NOTCH2: variants seen among roughly 807,000 people sequenced by gnomAD.
NOTCH2 encodes the protein neurogenic locus notch homolog protein 2.
A neutral mutation model predicts 235.8 loss-of-function variants in NOTCH2; 29 were observed. That is an observed-to-expected ratio of 0.12 (90% CI 0.09 to 0.17). The LOEUF (loss-of-function observed/expected upper bound fraction) is 0.17, where lower values mean the gene tolerates loss of function less well. NOTCH2 is among the 10% of genes least tolerant of loss of function. NOTCH2 has a pLI of 1.00. For synonymous variants in NOTCH2, 1,086 were observed against 1,141.5 expected (o/e 0.95, Z 0.98); for missense variants, 2,285 against 3,150.2 (o/e 0.73, Z 6.57).
At position 119,921,817 on chromosome 1, in the gene NOTCH2, G is replaced by T; in HGVS notation, c.5214-8C>A. 1 of 1,605,712 alleles carries T rather than the reference G, an allele frequency of 6.2e-7. No homozygotes were observed. Among genetic ancestry groups the T allele is most frequent in the South Asian group, 1.1e-5 (1 of 90,856 alleles). On this transcript the variant is annotated splice_polypyrimidine_tract_variant and splice_region_variant and intron_variant, in intron 28 of 33. Transcript: ENST00000256646. ...ACTTGCACTGAGAGATTTCTAATAT[G>T]ATTATAAAAAGAAAAAATAAGAATG...
At chr1:119,996,741 C>G in intron 4 of NOTCH2, 1 of 1,067,510 alleles carries the variant, frequency 9.4e-7, no homozygotes, top group South Asian at 1.2e-5. Flanking sequence ...TTATTTCTCA[C>G]TGTTTCTACA....
intron 1 of NOTCH2, among the ~76,000 whole-genome samples, chr1:120,065,935 C>T (rs1272436684): frequency 3.3e-5 from 5 of 151,242 alleles, no homozygotes; most frequent in African/African-American, 4.9e-5. Context: ...TCAAATCACG[C>T]CTTGCAGTTT....
chr1:120,001,744 G>A (rs587642706), intron 3 of NOTCH2, among the ~76,000 whole-genome samples: 155 of 152,270 alleles, frequency 1.0e-3, no homozygotes, highest in African/African-American at 3.3e-3. Flanking sequence ...ACTACCATCC[G>A]CGGACTCATG....
intron 2 of NOTCH2, 93 bp from the exon 3 acceptor site, chr1:120,005,681 C>A (rs587709976): frequency 5.7e-6 from 4 of 705,914 alleles, no homozygotes; most frequent in East Asian, 5.5e-5. Flanking sequence ...CAAGAAAGCA[C>A]GAGATTGTGA....
chr1:119,931,189 GA>G (rs1415343202), intron 22 of NOTCH2, among the ~76,000 whole-genome samples: 3 of 150,366 alleles, frequency 2.0e-5, no homozygotes, highest in African/African-American at 7.3e-5. Context: ...ACAAAAGCAA[GA>G]TTTTTTTTTT....
At chr1:119,922,072 C>T (rs1649303917) in intron 28 of NOTCH2, among the ~76,000 whole-genome samples, 164 bp downstream of exon 28, 2 of 152,164 alleles carry the variant, frequency 1.3e-5, no homozygotes, top group Admixed American at 6.5e-5. Flanking sequence ...TAGATGCACC[C>T]ACGCTCTGAC....
rs587595159 is a variant in NOTCH2, at chr1:119,918,581, G to C, written c.5782-28C>G. On this transcript the variant is annotated intron_variant, in intron 31 of 33. Transcript: ENST00000256646. ...AGAAGAGGAGAAAGTACAGAAAAGA[G>C]AGTCACCTGGATGAAGGAAAATAAT... 3 of 1,612,804 alleles carry C rather than the reference G, an allele frequency of 1.9e-6. No individual in the cohort carries two copies. The South Asian group carries it at 3.3e-5, about 18-fold the overall frequency.
rs2101122250 is a variant in NOTCH2, at chr1:119,953,607, C to A, written c.2301G>T (p.Gln767His). The A allele has an allele frequency of 6.2e-7, 1 of 1,614,190 alleles. No individual in the cohort carries two copies. The highest frequency in any genetic ancestry group is 8.5e-7 in the Non-Finnish European group (1 of 1,180,016). ...DKNECLSNPC[Q>H]NGGTCDNLVN... ...CCAGATTGTCACAAGTTCCTCCATT[C>A]TGGCATGGATTCGAAAGGCATTCAT... Residue 767 changes from glutamine to histidine, a missense_variant, in exon 14 of 34, where the codon CAG becomes CAT. Gln to His is a conservative substitution (Grantham distance 24, BLOSUM62 0). Coordinates refer to ENST00000256646, the MANE Select transcript of NOTCH2 (RefSeq NM_024408.4).
chr1:120,062,467 G>C (rs1162312526), intron 1 of NOTCH2, among the ~76,000 whole-genome samples: 3 of 5,666 alleles, frequency 5.3e-4, no homozygotes, highest in Admixed American at 4.1e-3. Flanking sequence ...ATTAAGACCT[G>C]AAGTTTACTC....
rs1337609958 is a variant in NOTCH2, at chr1:120,024,941, T to C, written c.155+4965A>G. Among the ~76,000 whole-genome samples the C allele has an allele frequency of 2.0e-3, 306 of 150,222 alleles. 1 individual carries two copies. The highest frequency in any genetic ancestry group is 2.5e-3 in the Non-Finnish European group (167 of 67,658). ...AGAATCACTGAAAGCAGGCATAAAC[T>C]AGAAGGGATATAAGCCTCAGAAAAA... On this transcript the variant is annotated intron_variant, in intron 2 of 33. Transcript: ENST00000256646.
intron 2 of NOTCH2, among the ~76,000 whole-genome samples, chr1:120,025,441 T>C (rs1653805328): frequency 1.3e-5 from 2 of 151,852 alleles, no homozygotes; most frequent in African/African-American, 4.8e-5. Flanking sequence ...ATGACTAAGA[T>C]TTGTGTCATC....
At chr1:120,031,334 GTAATAA>G (rs67591397) in intron 1 of NOTCH2, among the ~76,000 whole-genome samples, 38 of 137,388 alleles carry the variant, frequency 2.8e-4, no homozygotes, top group African/African-American at 9.3e-4. Flanking sequence ...AATGGTAATA[GTAATAA>G]TAATAATAGG....
intron 11 of NOTCH2, among the ~76,000 whole-genome samples, chr1:119,962,449 T>C (rs983349004): frequency 2.0e-5 from 3 of 152,226 alleles, no homozygotes; most frequent in African/African-American, 7.2e-5. Flanking sequence ...TAGTGAGTTA[T>C]CTAAATGTGG....
At chr1:119,974,947 G>T (rs145320872) in intron 5 of NOTCH2, among the ~76,000 whole-genome samples, 2 of 152,104 alleles carry the variant, frequency 1.3e-5, no homozygotes, top group Admixed American at 1.3e-4. Context: ...CTAGACACTT[G>T]GTGTCAGTGG....
At position 119,923,873 on chromosome 1, in the gene NOTCH2, G is replaced by T. The variant is rs1371441403; in HGVS notation, c.4623C>A (p.Asn1541Lys). ...GLDCAADQPE[N>K]LAEGTLVIVV... ...CAATAACCAGGGTACCTTCTGCCAG[G>T]TTCTCAGGTTGGTCAGCAGCACAGT... Residue 1541 changes from asparagine (N) to lysine (K), a missense_variant, in exon 26 of 34, where the codon AAC becomes AAA. By Grantham distance (94) the Asn-to-Lys change is moderately conservative. Around this residue, in one of 6 missense-constraint regions of NOTCH2, gnomAD observed 1,173 missense variants for 1,515.3 expected, o/e 0.77. Transcript: ENST00000256646. 6.8e-6 allele frequency: 11 copies of T among 1,614,024 alleles called. No homozygotes were observed. Among genetic ancestry groups the T allele is most frequent in the Non-Finnish European group, 9.3e-6 (11 of 1,180,038 alleles).
chr1:119,918,260 G>T, intron 32 of NOTCH2, 146 bp downstream of exon 32: 1 of 946,200 alleles, frequency 1.1e-6, no homozygotes, highest in Non-Finnish European at 1.7e-6. Context: ...AGCTCAGCAT[G>T]TTAAATAAAT....
chr1:120,017,935 G>T (rs1553208367), intron 2 of NOTCH2, among the ~76,000 whole-genome samples: 1 of 151,980 alleles, frequency 6.6e-6, no homozygotes, highest in Non-Finnish European at 1.5e-5. Context: ...ATCCTACAAA[G>T]TGGCCTCAAT....
intron 5 of NOTCH2, among the ~76,000 whole-genome samples, chr1:119,983,430 G>A (rs1182675760): frequency 3.9e-5 from 6 of 152,082 alleles, no homozygotes; most frequent in Non-Finnish European, 7.3e-5. Context: ...TGGGATTAGA[G>A]GCATGAGCCA....
intron 12 of NOTCH2, among the ~76,000 whole-genome samples, chr1:119,956,824 T>C (rs184828361): frequency 6.6e-6 from 1 of 152,352 alleles, no homozygotes. Context: ...GCCATCTTTA[T>C]CTGAAAGCAT....
Sources: allele counts gnomAD v4.1 joint callset (sites outside exome capture counted in the v4.1 genomes callset), GRCh38; gene constraint gnomAD v4.1.1; regional missense constraint gnomAD v4.1.1; transcripts MANE v1.5; gene names NCBI Gene and HGNC (gene_info 2026-07-23, HGNC 2026-07-21).